BRAF: variants seen among roughly 807,000 people sequenced by gnomAD.
The protein encoded by BRAF is B-Raf proto-oncogene, serine/threonine kinase.
In BRAF, 16 loss-of-function variants were observed where a neutral mutation model predicts 104.6. The observed-to-expected ratio is 0.15, with a 90% CI of 0.10 to 0.23. BRAF has a LOEUF of 0.23. BRAF is among the 10% of genes least tolerant of loss of function. The pLI, the probability that BRAF is intolerant of heterozygous loss-of-function variation, is 1.00. For synonymous variants in BRAF, 310 were observed against 341.6 expected (o/e 0.91, Z 1.02); for missense variants, 541 against 937.3 (o/e 0.58, Z 5.52).
chr7:140,793,753 G>A (rs1311273000), intron 8 of BRAF, among the ~76,000 whole-genome samples: 1 of 152,084 alleles, frequency 6.6e-6, no homozygotes, highest in African/African-American at 2.4e-5. Context: ...ACCCTCCAGA[G>A]TAGCTGGGAC....
intron 1 of BRAF, among the ~76,000 whole-genome samples, chr7:140,918,833 T>C (rs1817895558): frequency 6.6e-6 from 1 of 152,154 alleles, no homozygotes; most frequent in African/African-American, 2.4e-5. Context: ...ACATATGCAT[T>C]AGTGCAATTT....
At chr7:140,780,157 G>A (rs971608227) in intron 12 of BRAF, among the ~76,000 whole-genome samples, 2 of 151,164 alleles carry the variant, frequency 1.3e-5, no homozygotes, top group South Asian at 4.2e-4. Flanking sequence ...GACATTATAT[G>A]TTATTAGGCT....
chr7:140,834,495 T>G, intron 3 of BRAF, 114 bp downstream of exon 3: 3 of 1,379,622 alleles, frequency 2.2e-6, no homozygotes, highest in Non-Finnish European at 3.1e-6. Flanking sequence ...ATGACATGGA[T>G]GCCTCTATTT....
At chr7:140,869,952 G>A (rs1208667197) in intron 1 of BRAF, among the ~76,000 whole-genome samples, 2 of 150,804 alleles carry the variant, frequency 1.3e-5, no homozygotes, top group African/African-American at 5.0e-5. Context: ...ATATTTGATA[G>A]ATCCCATTTA....
Position 140,749,290 on chromosome 7 carries a change from G to A in BRAF, c.2109C>T (p.Asp703=), listed in dbSNP as rs778554187. Residue 703 remains aspartate (D), a synonymous_variant, in exon 17 of 20, where the codon GAC becomes GAT. Coordinates refer to ENST00000644969, the MANE Select transcript of BRAF (RefSeq NM_001374258.1). The part of the protein sequence containing the change: ...QLPYSNINNR[D]QIIFMVGRGY... ...CCAAGACGTGGTAAATATTTACCTG[G>A]TCCCTGTTGTTGATGTTTGAATAAG... 1.2e-6 allele frequency: 2 copies of A among 1,611,050 alleles called. No homozygotes were observed. The highest frequency in any genetic ancestry group is 2.2e-5 in the East Asian group (1 of 44,758).
intron 12 of BRAF, among the ~76,000 whole-genome samples, chr7:140,778,958 A>G (rs1337793864): frequency 6.6e-6 from 1 of 152,220 alleles, no homozygotes; most frequent in African/African-American, 2.4e-5. Context: ...AGCATCAATC[A>G]AAGCCCCAAA....
intron 18 of BRAF, among the ~76,000 whole-genome samples, chr7:140,738,321 T>C (rs940110577): frequency 6.6e-6 from 1 of 152,188 alleles, no homozygotes; most frequent in Non-Finnish European, 1.5e-5. Flanking sequence ...AATAACATTT[T>C]TTAGATTTAA....
chr7:140,807,243 C>T (rs1018486459), intron 5 of BRAF, among the ~76,000 whole-genome samples: 2 of 152,108 alleles, frequency 1.3e-5, no homozygotes, highest in African/African-American at 4.8e-5. Flanking sequence ...TTCCATTAAC[C>T]TATCCTTCAG....
rs1322667529 is a variant in BRAF, at chr7:140,724,682, G to A, written c.*1812C>T. 9.7e-7 allele frequency: 1 copy of A among 1,033,886 alleles called. No homozygotes were observed. Among genetic ancestry groups the A allele is most frequent in the Non-Finnish European group, 1.2e-6 (1 of 859,366 alleles). The allele number at this position is 1,033,886 out of a possible 1,614,324, so 64.0% of individuals were successfully genotyped here. A position where few individuals can be genotyped will look rare whatever the true frequency, so the allele number is the denominator to read the frequency against. On this transcript the variant is annotated 3_prime_UTR_variant, in exon 20 of 20. Coordinates refer to ENST00000644969, the MANE Select transcript of BRAF (RefSeq NM_001374258.1). ...TTTAGTGGCTGCAATATAGACAGCA[G>A]GGCCTGGAGTTACAATCTGAAATTT...
chr7:140,853,332 G>A (rs1000551810), intron 1 of BRAF, among the ~76,000 whole-genome samples: 3 of 151,888 alleles, frequency 2.0e-5, no homozygotes, highest in Admixed American at 6.6e-5. Flanking sequence ...AGCTGTGATC[G>A]CGCCACCCCA....
intron 1 of BRAF, among the ~76,000 whole-genome samples, chr7:140,858,673 A>C (rs768557112): frequency 6.6e-6 from 1 of 152,208 alleles, no homozygotes; most frequent in African/African-American, 2.4e-5. Flanking sequence ...ATCTGAACAC[A>C]TATCAGATGT....
intron 1 of BRAF, among the ~76,000 whole-genome samples, chr7:140,862,732 G>C (rs573970435): frequency 3.3e-5 from 5 of 152,276 alleles, no homozygotes; most frequent in African/African-American, 9.6e-5. Context: ...GGTGGGAACA[G>C]AGAATGACTG....
chr7:140,724,758 C>A lies in BRAF; in HGVS notation c.*1736G>T. 1 of 1,034,002 alleles carries A rather than the reference C, an allele frequency of 9.7e-7. No individual in the cohort carries two copies. Among genetic ancestry groups the A allele is most frequent in the Non-Finnish European group, 1.2e-6 (1 of 859,410 alleles). 64.1% of individuals were successfully genotyped at this position (1,034,002 alleles called of 1,614,324 possible). A position where few individuals can be genotyped will look rare whatever the true frequency, so the allele number is the denominator to read the frequency against. ...ATTTATTCTGGGTCTTGTTTAATTT[C>A]TTTCAAGTCCTTGGCTATAGCTTGG... On this transcript the variant is annotated 3_prime_UTR_variant, in exon 20 of 20. Coordinates refer to ENST00000644969, the MANE Select transcript of BRAF (RefSeq NM_001374258.1).
At chr7:140,903,964 T>TA (rs373396067) in intron 1 of BRAF, among the ~76,000 whole-genome samples, 2 of 152,114 alleles carry the variant, frequency 1.3e-5, no homozygotes, top group Non-Finnish European at 2.9e-5. Context: ...TATGGATGAG[T>TA]AAAAAAAGTG....
intron 17 of BRAF, chr7:140,740,150 T>C: frequency 3.5e-6 from 2 of 566,382 alleles, no homozygotes; most frequent in Non-Finnish European, 6.2e-6. Flanking sequence ...ATCTTCATGA[T>C]CCTTGGACTG....
intron 1 of BRAF, among the ~76,000 whole-genome samples, chr7:140,909,809 A>AAACAACAACAAC (rs142186028): frequency 6.7e-6 from 1 of 148,670 alleles, no homozygotes; most frequent in Non-Finnish European, 1.5e-5. Context: ...CTCCGTCTCA[A>AAACAACAACAAC]AACAACAACA....
chr7:140,872,074 T>C (rs1010641752), intron 1 of BRAF, among the ~76,000 whole-genome samples: 2 of 152,030 alleles, frequency 1.3e-5, no homozygotes, highest in African/African-American at 4.8e-5. Flanking sequence ...AATTAGCCGG[T>C]TGTGGTGTCA....
chr7:140,829,933 C>T (rs1326453746), intron 3 of BRAF, among the ~76,000 whole-genome samples: 1 of 152,048 alleles, frequency 6.6e-6, no homozygotes, highest in Non-Finnish European at 1.5e-5. Context: ...GGAACTTTTG[C>T]TCTCTCCATG....
chr7:140,885,192 G>A (rs983801825), intron 1 of BRAF, among the ~76,000 whole-genome samples: 4 of 151,964 alleles, frequency 2.6e-5, no homozygotes, highest in African/African-American at 4.8e-5. Flanking sequence ...TGGTAAAGAC[G>A]AGGTTTCATC....
Sources: gnomAD v4.1 joint callset for allele counts (sites outside exome capture counted in the v4.1 genomes callset) on GRCh38, gnomAD v4.1.1 for gene constraint, MANE v1.5 for transcripts, NCBI Gene and HGNC (gene_info 2026-07-23, HGNC 2026-07-21) for gene names.